The following SFXN4 variants were observed in gnomAD, a reference collection of about 807,000 sequenced individuals.
The protein encoded by SFXN4 is sideroflexin-4.
SFXN4 carries 48 observed loss-of-function variants against 54.6 expected under a neutral mutation model. The ratio of observed to expected loss-of-function variants is 0.88; its 90% CI spans 0.70 to 1.12. The LOEUF (loss-of-function observed/expected upper bound fraction) is 1.12, where lower values mean the gene tolerates loss of function less well. Among genes scored for constraint, SFXN4 ranks in the 50% most tolerant of loss-of-function variants. The pLI is 0.00. For missense variants in SFXN4, 383 were observed against 409.2 expected, an observed-to-expected ratio of 0.94 and a Z score of 0.55; for synonymous variants, 130 against 145.5, an observed-to-expected ratio of 0.89 and a Z score of 0.77.
intron 9 of SFXN4, among the ~76,000 whole-genome samples, chr10:119,157,202 G>GCAGT (rs1847309301): frequency 6.6e-6 from 1 of 152,184 alleles, no homozygotes; most frequent in Non-Finnish European, 1.5e-5. Flanking sequence ...GTCAAGGCGG[G>GCAGT]CAGTTCACCT....
intron 11 of SFXN4, among the ~76,000 whole-genome samples, chr10:119,153,382 G>A (rs73432990): frequency 0.013 from 1,758 of 138,118 alleles, 39 homozygotes; most frequent in African/African-American, 0.044. Flanking sequence ...GCACTCCAGC[G>A]ACAGAAGGAG....
intron 11 of SFXN4, among the ~76,000 whole-genome samples, chr10:119,152,378 C>T (rs1847109217): frequency 6.6e-6 from 1 of 152,022 alleles, no homozygotes; most frequent in Non-Finnish European, 1.5e-5. Context: ...CTCTCAGGTT[C>T]AGGCAATTCT....
intron 11 of SFXN4, among the ~76,000 whole-genome samples, chr10:119,150,293 G>A (rs1471531102): frequency 6.6e-6 from 1 of 152,082 alleles, no homozygotes; most frequent in Non-Finnish European, 1.5e-5. Flanking sequence ...TGGGGCTGCT[G>A]GGGAGACGGG....
At chr10:119,145,867 G>C (rs1241757134) in intron 13 of SFXN4, among the ~76,000 whole-genome samples, 5 of 152,124 alleles carry the variant, frequency 3.3e-5, no homozygotes, top group African/African-American at 1.2e-4. Context: ...CTCTCAGCCA[G>C]GCTGGAGTGC....
At chr10:119,153,860 G>A (rs1488098446) in intron 11 of SFXN4, among the ~76,000 whole-genome samples, 1 of 152,154 alleles carries the variant, frequency 6.6e-6, no homozygotes, top group Admixed American at 6.6e-5. Context: ...CACAGGGCAC[G>A]TCTGCAATCA....
At chr10:119,161,967 G>A (rs1257467210) in intron 3 of SFXN4, among the ~76,000 whole-genome samples, 2 of 152,206 alleles carry the variant, frequency 1.3e-5, no homozygotes, top group East Asian at 1.9e-4. Flanking sequence ...CGGCAGGAAC[G>A]CTGCCTGCAG....
At chr10:119,146,428 CGTGTGTGTGT>C (rs56031432) in intron 12 of SFXN4, 75 bp from the exon 13 acceptor site, 608 of 559,172 alleles carry the variant, frequency 1.1e-3, no homozygotes, top group African/African-American at 1.3e-3. Context: ...TGAATCAGGG[CGTGTGTGTGT>C]GTGTGTGTGT....
chr10:119,153,078 G>A (rs935776595), intron 11 of SFXN4, among the ~76,000 whole-genome samples: 22 of 152,174 alleles, frequency 1.4e-4, no homozygotes, highest in Admixed American at 1.0e-3. Flanking sequence ...AGGTTCTCAC[G>A]GCTGAATGCA....
At chr10:119,163,685 G>A (rs1373824669) in intron 2 of SFXN4, among the ~76,000 whole-genome samples, 1 of 152,042 alleles carries the variant, frequency 6.6e-6, no homozygotes, top group Admixed American at 6.6e-5. Context: ...TTAAAGGCAT[G>A]AGCCACGGCA....
chr10:119,151,381 CA>C (rs201088205), intron 11 of SFXN4, among the ~76,000 whole-genome samples: 1,119 of 110,682 alleles, frequency 0.01, 38 homozygotes, highest in East Asian at 0.09. Context: ...AACAAACAAA[CA>C]AAAAAAAAGA....
intron 12 of SFXN4, among the ~76,000 whole-genome samples, chr10:119,147,527 C>T (rs1001822085): frequency 1.3e-5 from 2 of 152,192 alleles, no homozygotes; most frequent in Admixed American, 6.5e-5. Flanking sequence ...CGTGGAAGGT[C>T]CTTCGACACG....
chr10:119,163,356 G>A (rs1417198006), intron 2 of SFXN4, among the ~76,000 whole-genome samples: 1 of 152,040 alleles, frequency 6.6e-6, no homozygotes, highest in African/African-American at 2.4e-5. Context: ...CACCTGGCCT[G>A]GGCCTGATAT....
Position 119,165,636 on chromosome 10 carries a change from T to A in SFXN4, c.12A>T (p.Glu4Asp). MSL[E>D]QEEETQPGRL... is the part of the protein sequence containing the mutation. Reference sequence around the variant, plus strand: ...GCCCAGGTTGCGTTTCCTCCTCCTGTTCCAGGGACATTTTGCGCTGGTTAG... The same window carrying A: ...GCCCAGGTTGCGTTTCCTCCTCCTGATCCAGGGACATTTTGCGCTGGTTAG... The change falls in exon 1 of 14, where the codon GAA (glutamate) becomes GAT (aspartate). Residue 4 changes from glutamate to aspartate, a missense_variant. Physicochemically the swap from Glu to Asp is conservative, Grantham distance 45 (BLOSUM62 2). Coordinates refer to ENST00000355697, the MANE Select transcript of SFXN4 (RefSeq NM_213649.2). The A allele has an allele frequency of 6.3e-7, 1 of 1,588,142 alleles. No individual in the cohort carries two copies. Among genetic ancestry groups the A allele is most frequent in the Non-Finnish European group, 8.5e-7 (1 of 1,169,690 alleles).
rs1198649745 is a variant in SFXN4 at position 119,155,157 on chromosome 10, C to T, written c.637G>A (p.Val213Ile). 2.5e-6 allele frequency: 4 copies of T among 1,613,738 alleles called. No homozygotes were observed. Among genetic ancestry groups the T allele is most frequent in the Non-Finnish European group, 3.4e-6 (4 of 1,179,708 alleles). ...GATTCAAGACTTCGGGACATGTAGA[C>T]ATTCATTCCACTGGCTTGCACTGTA... ...IFLVQASGMNVYMSRSLESIK... is the reference protein window; with the variant it reads ...IFLVQASGMNIYMSRSLESIK... Residue 213 changes from valine to isoleucine, a missense_variant, in exon 11 of 14, where the codon GTC (valine) becomes ATC (isoleucine). Coordinates refer to ENST00000355697, the MANE Select transcript of SFXN4 (RefSeq NM_213649.2).
At chr10:119,162,530 G>C in intron 2 of SFXN4, 116 bp from the exon 3 acceptor site, 1 of 780,662 alleles carries the variant, frequency 1.3e-6, no homozygotes, top group Non-Finnish European at 2.2e-6. Flanking sequence ...CTGCATGCCT[G>C]ATTTCAAGCC....
At chr10:119,147,072 G>A (rs569109802) in intron 12 of SFXN4, among the ~76,000 whole-genome samples, 86 of 152,324 alleles carry the variant, frequency 5.6e-4, no homozygotes, top group African/African-American at 2.0e-3. Flanking sequence ...GAGGCTGTGA[G>A]GCTATGAGCT....
Position 119,140,971 on chromosome 10 carries a change from T to C in SFXN4, c.*271A>G, listed in dbSNP as rs185242367. 927 of 356,922 alleles carry C rather than the reference T, an allele frequency of 2.6e-3. 8 individuals are homozygous for C. The highest frequency in any genetic ancestry group is 0.018 in the African/African-American group (877 of 47,564). 22.1% of individuals were successfully genotyped at this position (356,922 alleles called of 1,614,324 possible). ...TATTAGTTAATTAGTGATTTCACAG[T>C]ATCCTTTCGCAGGCCGATCCCCACT... On this transcript the variant is annotated 3_prime_UTR_variant, in exon 14 of 14. Coordinates refer to ENST00000355697, the MANE Select transcript of SFXN4 (RefSeq NM_213649.2).
At position 119,164,202 on chromosome 10, in the gene SFXN4, G is replaced by C. The variant is rs747435932; in HGVS notation, c.112-6C>G. The stretch of plus-strand genomic sequence containing the variant: ...AGAAATCGTCGAATAAAGGACTTAG[G>C]AGGGAGAAAAGCAACAGAGAGGTTA... On this transcript the variant is annotated splice_polypyrimidine_tract_variant and splice_region_variant and intron_variant, in intron 1 of 13. Coordinates refer to ENST00000355697, the MANE Select transcript of SFXN4 (RefSeq NM_213649.2). The C allele has an allele frequency of 2.6e-6, 4 of 1,568,310 alleles. No individual in the cohort carries two copies. The Admixed American group carries it at 7.2e-5, about 28-fold the overall frequency.
At chr10:119,159,567 G>A (rs151122594) in intron 6 of SFXN4, among the ~76,000 whole-genome samples, 161 bp downstream of exon 6, 138 of 152,264 alleles carry the variant, frequency 9.1e-4, no homozygotes, top group Non-Finnish European at 1.8e-3. Context: ...GGACAAGGAC[G>A]TATGAACAGC....
Sources: allele counts gnomAD v4.1 joint callset (sites outside exome capture counted in the v4.1 genomes callset), GRCh38; gene constraint gnomAD v4.1.1; transcripts MANE v1.5; gene names NCBI Gene and HGNC (gene_info 2026-07-23, HGNC 2026-07-21).